SLC36A1: variants seen among roughly 807,000 people sequenced by gnomAD.
SLC36A1 encodes the protein solute carrier family 36 member 1.
In SLC36A1, 30 loss-of-function variants were observed where a neutral mutation model predicts 47.5. That is an observed-to-expected ratio of 0.63 (90% CI 0.47 to 0.86). The LOEUF (loss-of-function observed/expected upper bound fraction) is 0.86. SLC36A1 is among the 40% of genes least tolerant of loss of function. The probability of loss-of-function intolerance (pLI) is 0.00; values close to 1 mark genes in which losing one functional copy is unlikely to be tolerated. For missense variants in SLC36A1, 517 were observed against 606.0 expected (o/e 0.85, Z 1.54); for synonymous variants, 255 against 249.7 (o/e 1.02, Z -0.20).
At chr5:151,531,967 G>A in the SLC36A1 span, 3 of 1,614,062 alleles carry the variant, frequency 1.9e-6, no homozygotes, top group Non-Finnish European at 1.7e-6. The surrounding 1 kb of genome is among the most constrained non-coding windows in gnomAD (Gnocchi z 5.7). Context: ...CTGGGCATTG[G>A]CGCCTGGCAG....
the SLC36A1 span, chr5:151,505,778 C>T: frequency 2.7e-5 from 44 of 1,613,954 alleles, no homozygotes; most frequent in East Asian, 4.5e-5. Context: ...GCCGGAACTG[C>T]GAGTGGTAGT....
chr5:151,403,630 A>G, the SLC36A1 span, among the ~76,000 whole-genome samples: 1 of 152,166 alleles, frequency 6.6e-6, no homozygotes, highest in African/African-American at 2.4e-5. Context: ...AAAATTACCC[A>G]GTCTTAGATA....
At chr5:151,411,940 A>G in the SLC36A1 span, among the ~76,000 whole-genome samples, 1 of 145,070 alleles carries the variant, frequency 6.9e-6, no homozygotes, top group Non-Finnish European at 1.5e-5. Context: ...ATCCACCCCA[A>G]ATACTCAACC....
chr5:151,512,276 C>T, the SLC36A1 span: 2 of 1,614,232 alleles, frequency 1.2e-6, no homozygotes. This position sits in a 1 kb window ranked among gnomAD's most constrained non-coding sequence, Gnocchi z 4.1. Flanking sequence ...AAGCCTGCCA[C>T]CGTCTTGCCA....
Position 151,463,550 on chromosome 5 carries a change from C to G in SLC36A1, c.144-3C>G, listed in dbSNP as rs761095594. ...TCATTTCCTTGGCTGTCTTCCACTT[C>G]AGATGGTTCCAGACCTTGATCCACC... On this transcript the variant is annotated splice_polypyrimidine_tract_variant and splice_region_variant and intron_variant, in intron 2 of 10. Transcript: ENST00000243389. 41 of 1,611,812 alleles carry G rather than the reference C, an allele frequency of 2.5e-5. No individual in the cohort carries two copies. Among genetic ancestry groups the G allele is most frequent in the Non-Finnish European group, 3.2e-5 (38 of 1,177,962 alleles).
intron 7 of SLC36A1, among the ~76,000 whole-genome samples, chr5:151,468,266 A>ATATATATATAT (rs1554113502): frequency 3.1e-5 from 2 of 63,818 alleles, no homozygotes; most frequent in African/African-American, 1.8e-4. Flanking sequence ...AAAAAAAAAA[A>ATATATATATAT]ATATATATAT....
intron 3 of SLC36A1, among the ~76,000 whole-genome samples, chr5:151,464,136 A>T (rs960464785): frequency 4.6e-5 from 7 of 152,150 alleles, no homozygotes; most frequent in Non-Finnish European, 1.0e-4. Flanking sequence ...GCCCTTAGCT[A>T]AGTGCAGTCT....
At chr5:151,474,529 A>C (rs955435051) in intron 8 of SLC36A1, among the ~76,000 whole-genome samples, 1 of 152,194 alleles carries the variant, frequency 6.6e-6, no homozygotes, top group Non-Finnish European at 1.5e-5. Flanking sequence ...ATATGTGCAA[A>C]ATGCTTTGCA....
chr5:151,390,906 A>C, the SLC36A1 span, among the ~76,000 whole-genome samples: 1 of 152,174 alleles, frequency 6.6e-6, no homozygotes, highest in Non-Finnish European at 1.5e-5. Flanking sequence ...TTTTGTTCCC[A>C]TATGAACTTT....
the SLC36A1 span, chr5:151,553,411 C>G: frequency 1.2e-6 from 2 of 1,610,288 alleles, no homozygotes; most frequent in Non-Finnish European, 8.5e-7. Context: ...AACACCAAAA[C>G]TGAGGTTTGG....
At chr5:151,380,943 T>G in the SLC36A1 span, 1 of 396,762 alleles carries the variant, frequency 2.5e-6, no homozygotes, top group South Asian at 2.0e-5. Flanking sequence ...ATTTTGCTGT[T>G]AGCTAATTTG....
chr5:151,448,412 T>C (rs1020662473), intron 1 of SLC36A1, among the ~76,000 whole-genome samples: 1 of 152,366 alleles, frequency 6.6e-6, no homozygotes, highest in South Asian at 2.1e-4. Flanking sequence ...CCTTTTTAGC[T>C]GTCTGCATTT....
At chr5:151,481,727 G>A (rs1415831550) in intron 10 of SLC36A1, among the ~76,000 whole-genome samples, 1 of 151,744 alleles carries the variant, frequency 6.6e-6, no homozygotes, top group Non-Finnish European at 1.5e-5. Context: ...ACTTTGTGAT[G>A]CTTAATTTCA....
chr5:151,421,476 A>C, the SLC36A1 span, among the ~76,000 whole-genome samples: 1 of 144,302 alleles, frequency 6.9e-6, no homozygotes, highest in African/African-American at 2.6e-5. Flanking sequence ...TCCTGTGCTC[A>C]AGTGATCCAC....
the SLC36A1 span, among the ~76,000 whole-genome samples, chr5:151,519,233 A>T: frequency 2.0e-5 from 3 of 152,182 alleles, no homozygotes; most frequent in Admixed American, 6.5e-5. Context: ...AATTCCAGCT[A>T]CTCACGAGGC....
the SLC36A1 span, among the ~76,000 whole-genome samples, chr5:151,396,636 TGAA>T: frequency 2.3e-5 from 1 of 42,662 alleles, no homozygotes; most frequent in Non-Finnish European, 4.1e-5. Flanking sequence ...TCTTTAAATA[TGAA>T]TGGGATTAAA....
intron 4 of SLC36A1, 107 bp from the exon 5 acceptor site, chr5:151,464,966 AG>A (rs1312252811): frequency 2.4e-6 from 2 of 840,032 alleles, no homozygotes; most frequent in African/African-American, 3.3e-5. Context: ...TGGTACCTCC[AG>A]GGTGAAAGAT....
chr5:151,397,510 G>T, the SLC36A1 span, among the ~76,000 whole-genome samples: 1 of 152,148 alleles, frequency 6.6e-6, no homozygotes, highest in African/African-American at 2.4e-5. Context: ...AAGTGGGTAG[G>T]GCGCAGTGGC....
At chr5:151,383,148 G>A in the SLC36A1 span, among the ~76,000 whole-genome samples, 1 of 152,220 alleles carries the variant, frequency 6.6e-6, no homozygotes, top group South Asian at 2.1e-4. Context: ...AATACAAATC[G>A]GTAACCTGCA....
Sources: gnomAD v4.1 joint callset for allele counts (sites outside exome capture counted in the v4.1 genomes callset) on GRCh38, gnomAD v4.1.1 for gene constraint, Gnocchi (gnomAD v3.1) non-coding constraint, MANE v1.5 for transcripts, NCBI Gene and HGNC (gene_info 2026-07-23, HGNC 2026-07-21) for gene names.